Variants in ASTN2 observed in about 807,000 individuals in gnomAD.
ASTN2 encodes the protein astrotactin 2.
ASTN2 carries 54 observed loss-of-function variants against 139.8 expected under a neutral mutation model. That is an observed-to-expected ratio of 0.39 (90% CI 0.31 to 0.48). ASTN2 has a LOEUF of 0.48. Ranked by LOEUF, ASTN2 falls within the 20% of genes least tolerant of loss-of-function variation. The pLI, the probability that ASTN2 is intolerant of heterozygous loss-of-function variation, is 0.95. For synonymous variants in ASTN2, 756 were observed against 719.5 expected (o/e 1.05, Z -0.81); for missense variants, 1,565 against 1,725.1 (o/e 0.91, Z 1.64).
intron 16 of ASTN2, among the ~76,000 whole-genome samples, chr9:116,666,949 C>CTTTT (rs34835904): frequency 1.3e-4 from 9 of 70,354 alleles, no homozygotes; most frequent in South Asian, 6.9e-4. Context: ...TTTATTTATT[C>CTTTT]TTTTTTTTTT....
chr9:116,502,026 A>C (rs1849874486), intron 19 of ASTN2, among the ~76,000 whole-genome samples: 1 of 152,038 alleles, frequency 6.6e-6, no homozygotes, highest in Non-Finnish European at 1.5e-5. Context: ...AGAAGGCCCA[A>C]GCAAAGATGA....
intron 1 of ASTN2, among the ~76,000 whole-genome samples, chr9:117,363,327 A>G (rs956354231): frequency 6.6e-6 from 1 of 152,188 alleles, no homozygotes; most frequent in Non-Finnish European, 1.5e-5. Context: ...AATAAAACAA[A>G]TACTTTACAC....
chr9:117,231,662 G>A (rs1832895590), intron 2 of ASTN2, among the ~76,000 whole-genome samples: 1 of 152,118 alleles, frequency 6.6e-6, no homozygotes, highest in South Asian at 2.1e-4. Flanking sequence ...AGGAGAGTTT[G>A]GAAAGGGGAG....
intron 1 of ASTN2, among the ~76,000 whole-genome samples, chr9:117,348,486 G>A (rs143844804): frequency 7.9e-5 from 12 of 152,276 alleles, no homozygotes; most frequent in Non-Finnish European, 1.5e-4. Context: ...GTGTTCTATC[G>A]TTAAAGAAAT....
At chr9:116,580,318 C>G (rs965204054) in intron 19 of ASTN2, among the ~76,000 whole-genome samples, 14 of 152,104 alleles carry the variant, frequency 9.2e-5, no homozygotes, top group Admixed American at 2.6e-4. Context: ...GAGTAGGTCT[C>G]TAATAGAGGG....
chr9:116,679,837 C>T (rs532448586), intron 16 of ASTN2, among the ~76,000 whole-genome samples: 4 of 152,208 alleles, frequency 2.6e-5, no homozygotes, highest in Admixed American at 1.3e-4. Context: ...AGAACAAAGA[C>T]ACAACATACC....
chr9:116,440,228 T>C (rs967549354), intron 22 of ASTN2, among the ~76,000 whole-genome samples: 13 of 152,158 alleles, frequency 8.5e-5, no homozygotes, highest in Non-Finnish European at 2.9e-5. Flanking sequence ...AGACTTCTTA[T>C]GGAAGACTGA....
intron 11 of ASTN2, among the ~76,000 whole-genome samples, chr9:116,850,826 A>T (rs1037763568): frequency 6.6e-6 from 1 of 150,870 alleles, no homozygotes; most frequent in Admixed American, 6.6e-5. Flanking sequence ...AAAAGAGAGA[A>T]GCAGCAGCCC....
At chr9:116,778,596 A>T (rs1830142921) in intron 13 of ASTN2, among the ~76,000 whole-genome samples, 1 of 152,170 alleles carries the variant, frequency 6.6e-6, no homozygotes, top group African/African-American at 2.4e-5. Context: ...CTCAGGATGC[A>T]GTGCTAATTA....
At chr9:116,873,864 G>A (rs1386160756) in intron 10 of ASTN2, among the ~76,000 whole-genome samples, 1 of 152,180 alleles carries the variant, frequency 6.6e-6, no homozygotes, top group Non-Finnish European at 1.5e-5. Flanking sequence ...TGTAGGACAT[G>A]TCTGCTCCCC....
intron 19 of ASTN2, among the ~76,000 whole-genome samples, chr9:116,531,641 T>C (rs1851356107): frequency 6.6e-6 from 1 of 152,104 alleles, no homozygotes; most frequent in East Asian, 1.9e-4. Flanking sequence ...TTGTGATAGT[T>C]TGCTGAGAAT....
chr9:116,642,132 C>CCAAAAAAAAAAAAAAAAAA (rs1554724602), intron 17 of ASTN2, among the ~76,000 whole-genome samples: 5 of 48,928 alleles, frequency 1.0e-4, no homozygotes, highest in East Asian at 8.3e-4. Context: ...TCCCAACCCA[C>CCAAAAAAAAAAAAAAAAAA]AAAAAAAAAA....
intron 19 of ASTN2, among the ~76,000 whole-genome samples, chr9:116,614,630 C>A (rs911923650): frequency 6.6e-6 from 1 of 152,106 alleles, no homozygotes; most frequent in Non-Finnish European, 1.5e-5. Flanking sequence ...GGAAAGGATT[C>A]CCTATTTAAT....
chr9:116,446,131 T>C (rs1847979942), intron 20 of ASTN2, among the ~76,000 whole-genome samples: 1 of 148,620 alleles, frequency 6.7e-6, no homozygotes, highest in Admixed American at 6.6e-5. Flanking sequence ...GAGTGAGAAG[T>C]TGGGGGGGGA....
chr9:116,870,568 A>G (rs916949307), intron 10 of ASTN2, among the ~76,000 whole-genome samples: 1 of 152,082 alleles, frequency 6.6e-6, no homozygotes, highest in Admixed American at 6.5e-5. Flanking sequence ...ACATCTCTCT[A>G]TCTCTGACAT....
intron 7 of ASTN2, among the ~76,000 whole-genome samples, chr9:116,977,730 TTTG>T (rs1278385701): frequency 3.3e-5 from 5 of 149,776 alleles, no homozygotes; most frequent in Non-Finnish European, 3.0e-5. Flanking sequence ...TTTTTTTTTT[TTTG>T]AGACTGAGAG....
intron 13 of ASTN2, among the ~76,000 whole-genome samples, chr9:116,765,087 T>G (rs995984725): frequency 6.6e-6 from 1 of 152,130 alleles, no homozygotes; most frequent in Non-Finnish European, 1.5e-5. Context: ...TAATGACAAA[T>G]TTGAGGACTG....
Position 116,812,032 on chromosome 9 carries a change from C to T in ASTN2, c.2208-6212G>A, listed in dbSNP as rs112374134. Among the ~76,000 whole-genome samples, 814 of 152,164 alleles carry T rather than the reference C, an allele frequency of 5.3e-3. 11 individuals carry two copies. The highest frequency in any genetic ancestry group is 0.018 in the African/African-American group (748 of 41,494). On this transcript the variant is annotated intron_variant, in intron 12 of 22. Coordinates refer to ENST00000313400, the MANE Select transcript of ASTN2 (RefSeq NM_001365068.1). The stretch of plus-strand genomic sequence containing the variant: ...TATATATTTTTACATGTGGAATTAT[C>T]ATATAGAAGTTAAATATATGCATTA...
intron 16 of ASTN2, among the ~76,000 whole-genome samples, chr9:116,658,733 C>CTTTTTTTTTTTTTTTTT (rs71502074): frequency 9.9e-6 from 1 of 101,100 alleles, no homozygotes; most frequent in Non-Finnish European, 1.9e-5. Flanking sequence ...GACCACCGCT[C>CTTTTTTTTTTTTTTTTT]TTTTTTTTTT....
Sources: allele counts gnomAD v4.1 joint callset (sites outside exome capture counted in the v4.1 genomes callset), GRCh38; gene constraint gnomAD v4.1.1; transcripts MANE v1.5; gene names NCBI Gene and HGNC (gene_info 2026-07-23, HGNC 2026-07-21).